The following CALN1 variants were observed in gnomAD, a reference collection of about 807,000 sequenced individuals.
The protein encoded by CALN1 is calneuron 1.
In CALN1, 17 loss-of-function variants were observed where a neutral mutation model predicts 30.6. The ratio of observed to expected loss-of-function variants is 0.56; its 90% CI spans 0.38 to 0.83. CALN1 has a LOEUF of 0.83. CALN1 is among the 40% of genes least tolerant of loss of function. CALN1 has a pLI of 0.00. For synonymous variants in CALN1, 156 were observed against 131.4 expected, an observed-to-expected ratio of 1.19 and a Z score of -1.28; for missense variants, 291 against 354.9, an observed-to-expected ratio of 0.82 and a Z score of 1.45.
rs76279749 is a variant in CALN1, at chr7:72,303,426, G to C, written c.120-24616C>G. Among the ~76,000 whole-genome samples the C allele has an allele frequency of 0.012, 1,817 of 152,060 alleles. 74 individuals are homozygous for C. The East Asian group carries it at 0.14, about 12-fold the overall frequency. ...AAAAATACAAGCCAGGCGTGGTGGG[G>C]CATGCCTGTAATCCCAGCTACTTGG... On this transcript the variant is annotated intron_variant, in intron 2 of 6. Coordinates refer to ENST00000395275, the MANE Select transcript of CALN1 (RefSeq NM_031468.4).
chr7:72,419,562 C>T lies in CALN1; in HGVS notation c.-225-7287G>A, dbSNP rs149894627. Among the ~76,000 whole-genome samples, 1,045 of 152,262 alleles carry T rather than the reference C, an allele frequency of 6.9e-3. 10 individuals carry two copies. The highest frequency in any genetic ancestry group is 0.018 in the African/African-American group (746 of 41,538). On this transcript the variant is annotated intron_variant, in intron 1 of 6. Transcript: ENST00000395276. Reference sequence around the variant, plus strand: ...CACTTCTCCCAGTTGGCCTTAGAGTCATCCTGATATAGAATGGCTGGGCTC... The same window carrying T: ...CACTTCTCCCAGTTGGCCTTAGAGTTATCCTGATATAGAATGGCTGGGCTC...
chr7:72,336,314 C>T (rs1802031806), intron 2 of CALN1, among the ~76,000 whole-genome samples: 1 of 152,018 alleles, frequency 6.6e-6, no homozygotes, highest in South Asian at 2.1e-4. Context: ...CCCTCCCCAT[C>T]GCCCGGGCGC....
chr7:72,405,910 C>A (rs907242949), intron 1 of CALN1, among the ~76,000 whole-genome samples: 5 of 152,192 alleles, frequency 3.3e-5, no homozygotes, highest in Admixed American at 3.3e-4. Flanking sequence ...GACATCAGAG[C>A]AAGGCACCCA....
At chr7:72,013,836 T>G (rs1171318552) in intron 5 of CALN1, among the ~76,000 whole-genome samples, 2 of 151,992 alleles carry the variant, frequency 1.3e-5, no homozygotes, top group East Asian at 1.9e-4. Context: ...TTATATAATA[T>G]TTTATCTTTA....
At position 72,271,573 on chromosome 7, in the gene CALN1, A is replaced by ATATATATATATATATATATAT. The variant is rs1554345799; in HGVS notation, c.244+7112_244+7113insATATATATATATATATATATA. On this transcript the variant is annotated intron_variant, in intron 3 of 6. Coordinates refer to ENST00000395275, the MANE Select transcript of CALN1 (RefSeq NM_031468.4). ...CACTGTGCCTGCCTTTTAAAAAAAA[A>ATATATATATATATATATATAT]AAATATATATATATATATATAGTTT... is the stretch of plus-strand genomic sequence containing the variant. Among the ~76,000 whole-genome samples the ATATATATATATATATATATAT allele has an allele frequency of 2.1e-4, 5 of 23,500 alleles. No homozygotes were observed. In the African/African-American group the frequency reaches 2.2e-3, roughly 11 times the overall value. 15.4% of individuals were successfully genotyped at this position (23,500 alleles called of 152,430 possible).
At chr7:72,278,010 G>GGC (rs1554348532) in intron 3 of CALN1, among the ~76,000 whole-genome samples, 4 of 90,432 alleles carry the variant, frequency 4.4e-5, no homozygotes, top group African/African-American at 2.3e-4. Flanking sequence ...CTCTATTCCG[G>GGC]GGGGGGGGGA....
chr7:72,111,432 CA>C (rs1434258343), intron 3 of CALN1, among the ~76,000 whole-genome samples: 4 of 152,146 alleles, frequency 2.6e-5, no homozygotes, highest in African/African-American at 9.7e-5. Context: ...TTATTCAGCC[CA>C]AGAGATTTAC....
chr7:72,033,663 G>A (rs904719083), intron 4 of CALN1, among the ~76,000 whole-genome samples: 10 of 152,290 alleles, frequency 6.6e-5, no homozygotes, highest in South Asian at 4.1e-4. Context: ...GAAGGTGACC[G>A]ACCACCCTTC....
chr7:71,812,511 A>T (rs1788013130), intron 5 of CALN1, among the ~76,000 whole-genome samples: 1 of 152,178 alleles, frequency 6.6e-6, no homozygotes, highest in Non-Finnish European at 1.5e-5. Flanking sequence ...TTTTAGGTAA[A>T]AAGTCTGTGA....
chr7:72,054,664 A>G lies in CALN1; in HGVS notation c.389-30895T>C, dbSNP rs904157929. 5.9e-5 allele frequency among the ~76,000 whole-genome samples: 9 copies of G among 151,744 alleles called. No homozygotes were observed. The South Asian group carries it at 6.2e-4, about 11-fold the overall frequency. The stretch of plus-strand genomic sequence containing the variant: ...CCTTAGCAAACTAATGCAGGAATAG[A>G]AAACCAAATACTGCATGTTCTTACT... On this transcript the variant is annotated intron_variant, in intron 4 of 6. Coordinates refer to ENST00000395275, the MANE Select transcript of CALN1 (RefSeq NM_031468.4).
intron 5 of CALN1, among the ~76,000 whole-genome samples, chr7:71,824,941 T>C (rs1363635971): frequency 2.6e-5 from 4 of 152,162 alleles, no homozygotes; most frequent in Non-Finnish European, 5.9e-5. Context: ...CCATTTATCT[T>C]GGTACACAGT....
chr7:72,477,514 C>T, the CALN1 span, among the ~76,000 whole-genome samples: 3 of 152,124 alleles, frequency 2.0e-5, no homozygotes, highest in Non-Finnish European at 4.4e-5. Context: ...AACTCCTGGG[C>T]TCAAGCAATC....
chr7:72,363,724 CT>C (rs66989275), intron 2 of CALN1, among the ~76,000 whole-genome samples: 40,647 of 111,408 alleles, frequency 0.36, 5,366 homozygotes, highest in Middle Eastern at 0.41. Flanking sequence ...TTAAAAAAAA[CT>C]TTTTTTTTTT....
intron 5 of CALN1, among the ~76,000 whole-genome samples, chr7:72,015,159 A>C (rs1800305539): frequency 6.6e-6 from 1 of 152,238 alleles, no homozygotes; most frequent in South Asian, 2.1e-4. Flanking sequence ...CTTATGAATA[A>C]GGATAACTAA....
intron 5 of CALN1, among the ~76,000 whole-genome samples, chr7:71,957,318 T>C (rs1168906723): frequency 6.6e-6 from 1 of 152,154 alleles, no homozygotes; most frequent in Non-Finnish European, 1.5e-5. Flanking sequence ...TAAGAATTTA[T>C]CATTAATGAT....
At chr7:72,420,701 G>A (rs1177361825) in intron 1 of CALN1, among the ~76,000 whole-genome samples, 2 of 147,446 alleles carry the variant, frequency 1.4e-5, no homozygotes, top group African/African-American at 5.1e-5. Context: ...TCAGCTCACT[G>A]CAAGCTCCGC....
intron 4 of CALN1, among the ~76,000 whole-genome samples, chr7:72,058,812 T>C (rs937883170): frequency 6.6e-6 from 1 of 152,136 alleles, no homozygotes; most frequent in Non-Finnish European, 1.5e-5. Flanking sequence ...TGAGTTGCAA[T>C]GCAGTGCAAA....
chr7:71,812,460 T>C (rs950773389), intron 5 of CALN1, among the ~76,000 whole-genome samples: 1 of 152,200 alleles, frequency 6.6e-6, no homozygotes, highest in Non-Finnish European at 1.5e-5. Flanking sequence ...TTGCCTGTGA[T>C]ACCTTGGAGG....
chr7:72,141,135 A>G (rs1809903325), intron 3 of CALN1, among the ~76,000 whole-genome samples: 1 of 152,114 alleles, frequency 6.6e-6, no homozygotes, highest in African/African-American at 2.4e-5. Context: ...CAATTATCCA[A>G]TAGAAAAATT....
Sources: gnomAD v4.1 joint callset for allele counts (sites outside exome capture counted in the v4.1 genomes callset) on GRCh38, gnomAD v4.1.1 for gene constraint, MANE v1.5 for transcripts, NCBI Gene and HGNC (gene_info 2026-07-23, HGNC 2026-07-21) for gene names.